Variants in APP observed in about 807,000 individuals in gnomAD.
APP encodes amyloid beta precursor protein.
A neutral mutation model predicts 101.4 loss-of-function variants in APP; 31 were observed. That is an observed-to-expected ratio of 0.31 (90% CI 0.23 to 0.41). APP has a LOEUF of 0.41. APP is among the 10% of genes least tolerant of loss of function. The probability of loss-of-function intolerance (pLI) is 1.00; values close to 1 mark genes in which losing one functional copy is unlikely to be tolerated. For synonymous variants in APP, 366 were observed against 364.4 expected (o/e 1.00, Z -0.05); for missense variants, 839 against 1,003.7 (o/e 0.84, Z 2.22).
chr21:26,127,018 T>A (rs562727630), intron 1 of APP, among the ~76,000 whole-genome samples: 1 of 151,746 alleles, frequency 6.6e-6, no homozygotes, highest in Non-Finnish European at 1.5e-5. Flanking sequence ...AGTTGGTGTA[T>A]CAAAAGTTAT....
At chr21:25,956,411 T>C (rs2041322716) in intron 11 of APP, among the ~76,000 whole-genome samples, 1 of 152,234 alleles carries the variant, frequency 6.6e-6, no homozygotes, top group Non-Finnish European at 1.5e-5. Flanking sequence ...TTCTTTCTAA[T>C]TGGTTCCATT....
intron 6 of APP, among the ~76,000 whole-genome samples, chr21:26,021,155 C>T (rs1017690702): frequency 2.0e-5 from 3 of 148,652 alleles, no homozygotes; most frequent in Admixed American, 6.9e-5. Flanking sequence ...TCAAGCAATT[C>T]TCCTGTCTCA....
intron 1 of APP, among the ~76,000 whole-genome samples, chr21:26,120,110 A>C (rs940912885): frequency 1.3e-5 from 2 of 152,216 alleles, no homozygotes; most frequent in African/African-American, 4.8e-5. Context: ...GGCTATAATA[A>C]ATGGTTATTG....
At chr21:25,883,149 TC>T (rs2037098435) in intron 17 of APP, among the ~76,000 whole-genome samples, 1 of 152,200 alleles carries the variant, frequency 6.6e-6, no homozygotes. Flanking sequence ...ACTCCTGTAA[TC>T]CCAGCACTTT....
chr21:26,163,074 A>ACAAAAAC, intron 1 of APP, among the ~76,000 whole-genome samples: 1 of 148,960 alleles, frequency 6.7e-6, no homozygotes, highest in South Asian at 2.2e-4. Flanking sequence ...CTAAAAAAAA[A>ACAAAAAC]AAAAACAAAA....
chr21:26,032,357 G>A (rs1000513532), intron 5 of APP, among the ~76,000 whole-genome samples: 1 of 152,166 alleles, frequency 6.6e-6, no homozygotes, highest in African/African-American at 2.4e-5. Flanking sequence ...CTCAAGGAAC[G>A]ACTACACTTA....
At chr21:26,040,722 T>C (rs977650458) in intron 5 of APP, among the ~76,000 whole-genome samples, 8 of 151,730 alleles carry the variant, frequency 5.3e-5, no homozygotes, top group African/African-American at 1.7e-4. Flanking sequence ...GATTGCACCA[T>C]TGCACTGCAG....
chr21:26,011,066 C>CT (rs1449531350), intron 6 of APP, among the ~76,000 whole-genome samples: 68 of 149,844 alleles, frequency 4.5e-4, no homozygotes, highest in East Asian at 7.8e-4. Context: ...TCTCTGTTCA[C>CT]TTTTTTATTT....
At chr21:25,908,259 AT>A (rs2038889872) in intron 14 of APP, among the ~76,000 whole-genome samples, 1 of 152,258 alleles carries the variant, frequency 6.6e-6, no homozygotes, top group African/African-American at 2.4e-5. Context: ...AGAATAAAAA[AT>A]TGTTAAGGCA....
At chr21:25,950,195 G>A (rs1011938779) in intron 13 of APP, among the ~76,000 whole-genome samples, 6 of 152,154 alleles carry the variant, frequency 3.9e-5, no homozygotes, top group African/African-American at 1.4e-4. Flanking sequence ...AAGAAAGAAT[G>A]TGACCATCAG....
chr21:26,166,927 GGTGT>G (rs10600074), intron 1 of APP, among the ~76,000 whole-genome samples: 3,744 of 148,564 alleles, frequency 0.025, 128 homozygotes, highest in African/African-American at 0.076. Context: ...AGAGACAGAG[GGTGT>G]GTGTGTGTGT....
chr21:25,889,127 A>G (rs1024017431), intron 17 of APP, among the ~76,000 whole-genome samples: 1 of 152,162 alleles, frequency 6.6e-6, no homozygotes, highest in South Asian at 2.1e-4. Flanking sequence ...CCTAGAATTC[A>G]TATGTTGAAG....
In APP at chr21:25,881,536, C is replaced by T; in HGVS notation, c.*134G>A. On this transcript the variant is annotated 3_prime_UTR_variant, in exon 18 of 18. Transcript: ENST00000346798. ...TCAGGCATCTACTTGTGTTACAGCA[C>T]AGCTGTCAAAAGGCGATAATGAGTA... The T allele has an allele frequency of 1.0e-6, 1 of 952,922 alleles. No homozygotes were observed. The allele number at this position is 952,922 out of a possible 1,614,324, so 59.0% of individuals were successfully genotyped here. A position where few individuals can be genotyped will look rare whatever the true frequency, so the allele number is the denominator to read the frequency against.
intron 8 of APP, among the ~76,000 whole-genome samples, chr21:25,995,564 A>T (rs1239893226): frequency 8.0e-6 from 1 of 124,968 alleles, no homozygotes; most frequent in African/African-American, 3.1e-5. Flanking sequence ...GAATGAGGAA[A>T]ATGCCCACAA....
At chr21:25,901,312 A>C (rs11910062) in intron 15 of APP, among the ~76,000 whole-genome samples, 3,956 of 103,024 alleles carry the variant, frequency 0.038, 216 homozygotes, top group African/African-American at 0.11. Context: ...AAAAAAAAAA[A>C]AAAAAACAAA....
intron 4 of APP, 77 bp from the exon 5 acceptor site, chr21:26,051,270 C>A: frequency 7.1e-7 from 1 of 1,399,486 alleles, no homozygotes; most frequent in South Asian, 1.2e-5. Context: ...ATAAAATAAT[C>A]AACATGCAGA....
chr21:26,064,355 G>A (rs540059740), intron 3 of APP, among the ~76,000 whole-genome samples: 4 of 152,278 alleles, frequency 2.6e-5, no homozygotes, highest in Admixed American at 2.6e-4. Flanking sequence ...AAGCCTATGG[G>A]AACTCTCTGG....
At chr21:26,104,363 T>C (rs1311860937) in intron 2 of APP, among the ~76,000 whole-genome samples, 1 of 152,038 alleles carries the variant, frequency 6.6e-6, no homozygotes, top group Non-Finnish European at 1.5e-5. Flanking sequence ...ATTTTTTAAA[T>C]GCATTGAAAG....
chr21:25,928,968 C>T (rs1189176332), intron 13 of APP: 1 of 152,312 alleles, frequency 6.6e-6, no homozygotes. Context: ...GATCCACCCG[C>T]CTCGGCCTCC....
Sources: gnomAD v4.1 joint callset for allele counts (sites outside exome capture counted in the v4.1 genomes callset) on GRCh38, gnomAD v4.1.1 for gene constraint, MANE v1.5 for transcripts, NCBI Gene and HGNC (gene_info 2026-07-23, HGNC 2026-07-21) for gene names.